Variants in RASSF2 observed in about 807,000 individuals in gnomAD.
RASSF2 encodes the protein ras association domain-containing protein 2.
RASSF2 carries 34 observed loss-of-function variants against 46.3 expected under a neutral mutation model. That is an observed-to-expected ratio of 0.73 (90% confidence interval 0.56 to 0.98). RASSF2 has a LOEUF of 0.98. Among genes scored for constraint, RASSF2 ranks in the 50% least tolerant of loss-of-function variants. The probability of loss-of-function intolerance (pLI) is 0.00; values close to 1 mark genes in which losing one functional copy is unlikely to be tolerated. For synonymous variants in RASSF2, 158 were observed against 162.5 expected (o/e 0.97, Z 0.21); for missense variants, 364 against 431.2 (o/e 0.84, Z 1.38).
chr20:4,787,105 TCCCCA>T (rs1925425264), intron 10 of RASSF2, among the ~76,000 whole-genome samples: 1 of 151,262 alleles, frequency 6.6e-6, no homozygotes, highest in Non-Finnish European at 1.5e-5. Context: ...CCCACAAGAA[TCCCCA>T]CCCTGCTCTA....
In RASSF2 at chr20:4,799,884, G is replaced by A. The variant is rs184084071; in HGVS notation, c.59+1088C>T. On this transcript the variant is annotated intron_variant, in intron 3 of 11. Transcript: ENST00000379400. ...CCCAGCACTTTGGGAGGCCAAGGCG[G>A]GTGGATCACCTGAGGTCAGGTGTTC... Among the ~76,000 whole-genome samples the A allele has an allele frequency of 4.4e-3, 674 of 152,338 alleles. 1 individual carries two copies. The highest frequency in any genetic ancestry group is 6.9e-3 in the Non-Finnish European group (470 of 68,036).
Position 4,818,797 on chromosome 20 carries a change from T to C in RASSF2, c.-33+3532A>G, listed in dbSNP as rs113963100. Among the ~76,000 whole-genome samples the C allele has an allele frequency of 3.9e-5, 6 of 152,240 alleles. 1 individual carries two copies. Among genetic ancestry groups the C allele is most frequent in the African/African-American group, 1.4e-4 (6 of 41,538 alleles). On this transcript the variant is annotated intron_variant, in intron 2 of 11. Coordinates refer to ENST00000379400, the MANE Select transcript of RASSF2 (RefSeq NM_014737.3). ...CTCTATGTTCCACCATAATACACACTCTGAAATCCATCATAGCCTGCTTCT... is the reference window on the plus strand; with the variant it reads ...CTCTATGTTCCACCATAATACACACCCTGAAATCCATCATAGCCTGCTTCT...
chr20:4,815,602 T>G (rs897123911), intron 2 of RASSF2, among the ~76,000 whole-genome samples: 1 of 152,248 alleles, frequency 6.6e-6, no homozygotes, highest in Admixed American at 6.5e-5. Context: ...GGGAAGCTAG[T>G]GTCCACACAA....
intron 6 of RASSF2, among the ~76,000 whole-genome samples, chr20:4,792,246 G>A (rs1925937172): frequency 8.0e-6 from 1 of 124,742 alleles, no homozygotes; most frequent in Non-Finnish European, 1.7e-5. Flanking sequence ...GGAAGGGAAG[G>A]GAAGGGGAGA....
intron 5 of RASSF2, chr20:4,792,887 A>C: frequency 1.7e-6 from 1 of 580,398 alleles, no homozygotes; most frequent in Non-Finnish European, 2.9e-6. Flanking sequence ...CAGCAACTGC[A>C]GTAACACACC....
In RASSF2 at chr20:4,790,731, T is replaced by G. The variant is rs537012818; in HGVS notation, c.377-120A>C. ...TCCACAAATATATATTTTATACAAATAATATTTTCTGCTGGGGGAAAAACA... is the reference window on the plus strand; with the variant it reads ...TCCACAAATATATATTTTATACAAAGAATATTTTCTGCTGGGGGAAAAACA... On this transcript the variant is annotated intron_variant, in intron 6 of 11. Coordinates refer to ENST00000379400, the MANE Select transcript of RASSF2 (RefSeq NM_014737.3). This position sits in a 1 kb window ranked among gnomAD's most constrained non-coding sequence, Gnocchi z 4.3. The G allele has an allele frequency of 2.9e-6, 2 of 689,152 alleles. No individual in the cohort carries two copies. Among genetic ancestry groups the G allele is most frequent in the Non-Finnish European group, 4.2e-6 (2 of 470,800 alleles). 42.7% of individuals were successfully genotyped at this position (689,152 alleles called of 1,614,324 possible).
chr20:4,809,291 A>T (rs190758334), intron 2 of RASSF2, among the ~76,000 whole-genome samples: 103 of 152,268 alleles, frequency 6.8e-4, no homozygotes, highest in African/African-American at 2.4e-3. Context: ...GCCATTTAAT[A>T]TGATGACATC....
chr20:4,787,830 A>G, intron 9 of RASSF2, 76 bp from the exon 10 acceptor site: 2 of 1,455,890 alleles, frequency 1.4e-6, no homozygotes, highest in Non-Finnish European at 1.8e-6. Context: ...AGGGGTCCAA[A>G]GGCACCTTAG....
intron 2 of RASSF2, among the ~76,000 whole-genome samples, chr20:4,817,949 C>T (rs1323828801): frequency 6.6e-6 from 1 of 152,162 alleles, no homozygotes; most frequent in Non-Finnish European, 1.5e-5. Context: ...AAACTGAGAA[C>T]CAGAGTCTCA....
chr20:4,803,879 G>A (rs892124487), intron 2 of RASSF2, among the ~76,000 whole-genome samples: 1 of 151,978 alleles, frequency 6.6e-6, no homozygotes, highest in South Asian at 2.1e-4. Flanking sequence ...GGCAACATGG[G>A]GAGATCCCAT....
chr20:4,780,934 A>G lies in RASSF2; in HGVS notation c.*3339T>C, dbSNP rs914784511. The G allele has an allele frequency of 1.3e-5, 2 of 151,064 alleles. No individual in the cohort carries two copies. The highest frequency in any genetic ancestry group is 4.9e-5 in the African/African-American group (2 of 41,026). 9.4% of individuals were successfully genotyped at this position (151,064 alleles called of 1,614,324 possible). On this transcript the variant is annotated 3_prime_UTR_variant, in exon 12 of 12. Transcript: ENST00000379400. ...CAGTGAGCTGAGATCCCACCACTGC[A>G]CTCCAGCCTGGGAAACAGAACCAGA...
chr20:4,792,264 AGGGG>A (rs1180742782), intron 6 of RASSF2, among the ~76,000 whole-genome samples: 369 of 9,434 alleles, frequency 0.039, 4 homozygotes, highest in Middle Eastern at 0.11. Context: ...AGAGGAGGGG[AGGGG>A]AGGGGAGGGG....
At chr20:4,787,901 G>T in intron 9 of RASSF2, 147 bp from the exon 10 acceptor site, 1 of 1,017,968 alleles carries the variant, frequency 9.8e-7, no homozygotes, top group Non-Finnish European at 1.4e-6. Context: ...TAGGTGTTGT[G>T]AAAAGCAACT....
intron 2 of RASSF2, among the ~76,000 whole-genome samples, chr20:4,807,964 T>C (rs1927475406): frequency 6.6e-6 from 1 of 152,200 alleles, no homozygotes; most frequent in Non-Finnish European, 1.5e-5. Context: ...CTAAGCTACA[T>C]TCACATCCAC....
At chr20:4,802,909 TA>T (rs1249720368) in intron 2 of RASSF2, among the ~76,000 whole-genome samples, 2,514 of 94,706 alleles carry the variant, frequency 0.027, 39 homozygotes, top group Non-Finnish European at 0.037. Flanking sequence ...TATATATATA[TA>T]TATATTTTTT....
chr20:4,821,078 C>A (rs1364911152), intron 2 of RASSF2, among the ~76,000 whole-genome samples: 1 of 152,134 alleles, frequency 6.6e-6, no homozygotes, highest in African/African-American at 2.4e-5. Context: ...AAGCAGCTCA[C>A]GTATGGAACG....
At chr20:4,789,798 G>A in intron 7 of RASSF2, 101 bp from the exon 8 acceptor site, 1 of 945,464 alleles carries the variant, frequency 1.1e-6, no homozygotes, top group Non-Finnish European at 1.6e-6. Context: ...TACTCAGAAT[G>A]TACTCCCTGG....
intron 11 of RASSF2, among the ~76,000 whole-genome samples, chr20:4,785,054 A>C (rs1226525133): frequency 6.6e-6 from 1 of 151,932 alleles, no homozygotes; most frequent in Non-Finnish European, 1.5e-5. Flanking sequence ...TCACGCCTGC[A>C]ATCCCAGCAC....
intron 2 of RASSF2, among the ~76,000 whole-genome samples, chr20:4,801,462 C>T (rs1011652585): frequency 1.3e-5 from 2 of 152,146 alleles, no homozygotes; most frequent in Admixed American, 6.5e-5. Flanking sequence ...GGGTAAACCA[C>T]CTGAAAATGC....
Sources: gnomAD v4.1 joint callset for allele counts (sites outside exome capture counted in the v4.1 genomes callset) on GRCh38, gnomAD v4.1.1 for gene constraint, Gnocchi (gnomAD v3.1) non-coding constraint, MANE v1.5 for transcripts, NCBI Gene and HGNC (gene_info 2026-07-23, HGNC 2026-07-21) for gene names.